CADPS2: variants seen among roughly 807,000 people sequenced by gnomAD.
CADPS2 encodes calcium-dependent secretion activator 2.
Under a neutral mutation model 172.5 loss-of-function variants are expected in CADPS2, and 93 were observed. That is an observed-to-expected ratio of 0.54 (90% CI 0.46 to 0.64). The LOEUF (loss-of-function observed/expected upper bound fraction) is 0.64, where lower values mean the gene tolerates loss of function less well. Ranked by LOEUF, CADPS2 falls within the 30% of genes least tolerant of loss-of-function variation. The pLI is 0.00. For synonymous variants in CADPS2, 546 were observed against 555.2 expected, an observed-to-expected ratio of 0.98 and a Z score of 0.23; for missense variants, 1,420 against 1,565.9, an observed-to-expected ratio of 0.91 and a Z score of 1.57.
chr7:122,688,710 T>C (rs1453293629), intron 2 of CADPS2, among the ~76,000 whole-genome samples: 1 of 152,248 alleles, frequency 6.6e-6, no homozygotes, highest in South Asian at 2.1e-4. Context: ...TTACAAACAA[T>C]AGTGGCTTAG....
chr7:122,543,763 T>C (rs1361747349), intron 8 of CADPS2, among the ~76,000 whole-genome samples: 2 of 152,122 alleles, frequency 1.3e-5, no homozygotes, highest in African/African-American at 2.4e-5. Flanking sequence ...ATCAAAAGTA[T>C]ATAAAAATCA....
At chr7:122,770,920 A>G (rs2093688457) in intron 1 of CADPS2, among the ~76,000 whole-genome samples, 1 of 152,224 alleles carries the variant, frequency 6.6e-6, no homozygotes, top group Admixed American at 6.5e-5. Flanking sequence ...GAAGCCAGGA[A>G]AAATTCTCAG....
intron 17 of CADPS2, among the ~76,000 whole-genome samples, chr7:122,430,382 T>C (rs778275710): frequency 1.3e-5 from 2 of 152,224 alleles, no homozygotes; most frequent in African/African-American, 2.4e-5. Context: ...TTATCAAATG[T>C]ATGACTGCGC....
chr7:122,806,854 C>T (rs761181966), intron 1 of CADPS2, among the ~76,000 whole-genome samples: 1 of 152,134 alleles, frequency 6.6e-6, no homozygotes, highest in Admixed American at 6.5e-5. Context: ...TTCATGATTT[C>T]CAAACAGCCT....
chr7:122,801,417 T>C (rs1797622661), intron 1 of CADPS2, among the ~76,000 whole-genome samples: 1 of 152,200 alleles, frequency 6.6e-6, no homozygotes, highest in Non-Finnish European at 1.5e-5. Flanking sequence ...CAGTAAGTGC[T>C]TGAAAGATTT....
At chr7:122,449,539 C>T (rs1314128527) in intron 15 of CADPS2, among the ~76,000 whole-genome samples, 3 of 152,068 alleles carry the variant, frequency 2.0e-5, no homozygotes, top group African/African-American at 7.2e-5. Flanking sequence ...CTAGGCTGGT[C>T]TTGAACTCCT....
At chr7:122,349,345 A>G (rs1446802887) in intron 27 of CADPS2, among the ~76,000 whole-genome samples, 2 of 152,176 alleles carry the variant, frequency 1.3e-5, no homozygotes, top group East Asian at 3.8e-4. Flanking sequence ...TAAGTACTCT[A>G]TGTATTAAAT....
rs1298925096 is a variant in CADPS2 at position 122,618,057 on chromosome 7, A to AG, written c.1105-2759_1105-2758insC. On this transcript the variant is annotated intron_variant, in intron 5 of 29. Transcript: ENST00000449022. The stretch of plus-strand genomic sequence containing the variant: ...AGATTCCATCTCAAAAAAAAAAAAA[A>AG]TCAACTATATTCATGCCACTGATAA... Among the ~76,000 whole-genome samples the AG allele has an allele frequency of 8.6e-5, 13 of 151,602 alleles. 1 individual carries two copies. The highest frequency in any genetic ancestry group is 7.2e-4 in the Admixed American group (11 of 15,226).
chr7:122,646,132 C>T (rs2078526215), intron 3 of CADPS2, among the ~76,000 whole-genome samples: 1 of 151,950 alleles, frequency 6.6e-6, no homozygotes, highest in African/African-American at 2.4e-5. Flanking sequence ...TTATACAGCA[C>T]TTGCATACCA....
At chr7:122,789,887 A>C (rs561930630) in intron 1 of CADPS2, among the ~76,000 whole-genome samples, 26 of 152,286 alleles carry the variant, frequency 1.7e-4, no homozygotes, top group African/African-American at 6.3e-4. Flanking sequence ...AGGGATACAA[A>C]TAAGCATGTC....
At chr7:122,760,534 G>A (rs949689876) in intron 1 of CADPS2, among the ~76,000 whole-genome samples, 1 of 151,966 alleles carries the variant, frequency 6.6e-6, no homozygotes, top group African/African-American at 2.4e-5. Flanking sequence ...ACCTGATAAT[G>A]TAGAGAGTTC....
chr7:122,325,354 C>A, intron 29 of CADPS2, 123 bp downstream of exon 29: 1 of 607,160 alleles, frequency 1.6e-6, no homozygotes. Flanking sequence ...TAAACAGTAG[C>A]ACATCATTGC....
intron 6 of CADPS2, among the ~76,000 whole-genome samples, chr7:122,604,132 T>C (rs920571349): frequency 6.6e-6 from 1 of 152,166 alleles, no homozygotes; most frequent in Admixed American, 6.6e-5. Flanking sequence ...TTTCATTCAA[T>C]GTATTTCTGT....
At chr7:122,344,192 T>C (rs2037219069) in intron 28 of CADPS2, among the ~76,000 whole-genome samples, 1 of 152,192 alleles carries the variant, frequency 6.6e-6, no homozygotes, top group Admixed American at 6.5e-5. Context: ...TGAATTGCTG[T>C]TACGAAAACA....
intron 7 of CADPS2, among the ~76,000 whole-genome samples, chr7:122,558,431 T>C (rs1265678849): frequency 6.6e-6 from 1 of 152,200 alleles, no homozygotes; most frequent in African/African-American, 2.4e-5. Context: ...CTCTTAACCT[T>C]TCCGTATGCA....
intron 1 of CADPS2, among the ~76,000 whole-genome samples, chr7:122,784,653 A>G (rs1793605010): frequency 6.6e-6 from 1 of 152,104 alleles, no homozygotes; most frequent in African/African-American, 2.4e-5. Context: ...CCTAACTTGC[A>G]GATGAGAAAA....
intron 3 of CADPS2, among the ~76,000 whole-genome samples, chr7:122,636,358 T>C (rs1193043775): frequency 1.3e-5 from 2 of 152,086 alleles, no homozygotes; most frequent in Non-Finnish European, 2.9e-5. Context: ...CTTAGGAAGC[T>C]TAGTTTGGCA....
chr7:122,812,928 G>A (rs183441967), intron 1 of CADPS2, among the ~76,000 whole-genome samples: 8 of 152,244 alleles, frequency 5.3e-5, no homozygotes, highest in Admixed American at 3.3e-4. Context: ...AAACACATCG[G>A]ATGTTTTTAG....
At chr7:122,720,761 T>C (rs67549880) in intron 2 of CADPS2, among the ~76,000 whole-genome samples, 10,753 of 151,980 alleles carry the variant, frequency 0.071, 421 homozygotes, top group South Asian at 0.17. Flanking sequence ...GAAAACTGAA[T>C]GTTCATAAGA....
Sources: allele counts gnomAD v4.1 joint callset (sites outside exome capture counted in the v4.1 genomes callset), GRCh38; gene constraint gnomAD v4.1.1; transcripts MANE v1.5; gene names NCBI Gene and HGNC (gene_info 2026-07-23, HGNC 2026-07-21).